Variants in PTPRT observed in about 807,000 individuals in gnomAD.
PTPRT encodes protein tyrosine phosphatase receptor type T.
PTPRT carries 56 observed loss-of-function variants against 176.8 expected under a neutral mutation model. That is an observed-to-expected ratio of 0.32 (90% confidence interval 0.26 to 0.40). The LOEUF is 0.40. Ranked by LOEUF, PTPRT falls within the 10% of genes least tolerant of loss-of-function variation. PTPRT has a pLI of 1.00. For synonymous variants in PTPRT, 783 were observed against 739.0 expected, an observed-to-expected ratio of 1.06 and a Z score of -0.96; for missense variants, 1,540 against 1,908.2, an observed-to-expected ratio of 0.81 and a Z score of 3.60.
chr20:42,351,656 A>T (rs2058286040), intron 10 of PTPRT, among the ~76,000 whole-genome samples: 1 of 151,156 alleles, frequency 6.6e-6, no homozygotes, highest in African/African-American at 2.4e-5. Flanking sequence ...GCAGTCTGTA[A>T]TTTTGGACTA....
At chr20:43,006,241 T>C (rs1164985995) in intron 1 of PTPRT, among the ~76,000 whole-genome samples, 1 of 152,100 alleles carries the variant, frequency 6.6e-6, no homozygotes, top group Non-Finnish European at 1.5e-5. Flanking sequence ...ATAAAAGAGG[T>C]CACTCCTCCC....
At chr20:42,894,239 A>G (rs1049385115) in intron 1 of PTPRT, among the ~76,000 whole-genome samples, 1 of 152,136 alleles carries the variant, frequency 6.6e-6, no homozygotes, top group African/African-American at 2.4e-5. Flanking sequence ...AGAGGACCAG[A>G]ATGACAGCTG....
chr20:42,085,770 C>T lies in PTPRT; in HGVS notation c.3930G>A (p.Glu1310=), dbSNP rs1165436083. 3.1e-6 allele frequency: 5 copies of T among 1,614,074 alleles called. No homozygotes were observed. Among genetic ancestry groups the T allele is most frequent in the East Asian group, 4.5e-5 (2 of 44,868 alleles). Residue 1310 remains glutamate, a synonymous_variant, in exon 28 of 31, where the codon GAG becomes GAA. Coordinates refer to ENST00000373187, the MANE Select transcript of PTPRT (RefSeq NM_007050.6). ...TGCGGAATATTCTGTGGATGATGTCCTCGTCGATGTCTGCGGAGACGAACT... is the reference window on the plus strand; with the variant it reads ...TGCGGAATATTCTGTGGATGATGTCTTCGTCGATGTCTGCGGAGACGAACT... ...QVEFVSADID[E]DIIHRIFRIC... is the part of the protein sequence containing the mutation.
chr20:42,121,573 T>C (rs1987591672), intron 19 of PTPRT, among the ~76,000 whole-genome samples: 1 of 152,076 alleles, frequency 6.6e-6, no homozygotes, highest in Non-Finnish European at 1.5e-5. Flanking sequence ...CTGTCCCTTC[T>C]AGGGTGTGTG....
Position 42,723,561 on chromosome 20 carries a change from A to C in PTPRT, c.859+32901T>G, listed in dbSNP as rs546659331. ...GTGGTCTATCCTCAGGGGCCTGAAAAGGACTTGTAGCTCCCCTTCCCAGAT... is the reference window on the plus strand; with the variant it reads ...GTGGTCTATCCTCAGGGGCCTGAAACGGACTTGTAGCTCCCCTTCCCAGAT... On this transcript the variant is annotated intron_variant, in intron 6 of 30. Transcript: ENST00000373187. Among the ~76,000 whole-genome samples the C allele has an allele frequency of 2.4e-4, 36 of 152,280 alleles. No individual in the cohort carries two copies. The East Asian group carries it at 7.0e-3, about 29-fold the overall frequency.
At chr20:42,264,746 C>T (rs2056810198) in intron 13 of PTPRT, among the ~76,000 whole-genome samples, 1 of 152,222 alleles carries the variant, frequency 6.6e-6, no homozygotes, top group Non-Finnish European at 1.5e-5. Flanking sequence ...GCTGGGGTTG[C>T]TGTGCTGCTG....
intron 7 of PTPRT, among the ~76,000 whole-genome samples, chr20:42,496,837 TG>T (rs1242488058): frequency 2.6e-5 from 4 of 152,140 alleles, no homozygotes; most frequent in Admixed American, 6.6e-5. Context: ...CAGACTTTCA[TG>T]GGCTCTCTTT....
chr20:42,154,772 A>T (rs6030012), intron 17 of PTPRT, among the ~76,000 whole-genome samples: 67 of 151,854 alleles, frequency 4.4e-4, no homozygotes, highest in African/African-American at 1.5e-3. Context: ...GACACAGATA[A>T]CTCGGCTCTC....
intron 1 of PTPRT, among the ~76,000 whole-genome samples, chr20:43,024,117 C>A (rs1460158126): frequency 2.0e-5 from 3 of 152,074 alleles, no homozygotes; most frequent in African/African-American, 7.2e-5. Flanking sequence ...CAAAACAAAC[C>A]CCTGCTCCAC....
intron 11 of PTPRT, among the ~76,000 whole-genome samples, chr20:42,337,556 T>A (rs2058057574): frequency 6.6e-6 from 1 of 152,178 alleles, no homozygotes; most frequent in Non-Finnish European, 1.5e-5. Flanking sequence ...CAGTTAGATG[T>A]GACTTTGAGT....
intron 16 of PTPRT, among the ~76,000 whole-genome samples, chr20:42,176,081 A>T (rs1489830351): frequency 6.6e-6 from 1 of 152,106 alleles, no homozygotes; most frequent in Non-Finnish European, 1.5e-5. Flanking sequence ...CTTATCCTTC[A>T]CCGGACTGTA....
chr20:42,236,969 A>G (rs1380489218), intron 14 of PTPRT, among the ~76,000 whole-genome samples: 1 of 152,094 alleles, frequency 6.6e-6, no homozygotes, highest in Non-Finnish European at 1.5e-5. Flanking sequence ...AGCTCTGTCC[A>G]TAACTCTCTC....
chr20:42,854,678 A>C (rs139330733), intron 2 of PTPRT, among the ~76,000 whole-genome samples: 10 of 152,302 alleles, frequency 6.6e-5, no homozygotes, highest in African/African-American at 1.9e-4. Context: ...TGGGGGAAAA[A>C]ATTCTGAAAT....
In PTPRT at chr20:42,920,216, A is replaced by G. The variant is rs527605737; in HGVS notation, c.89-34284T>C. 1.6e-4 allele frequency among the ~76,000 whole-genome samples: 24 copies of G among 152,340 alleles called. No individual in the cohort carries two copies. In the South Asian group the frequency reaches 4.6e-3, roughly 29 times the overall value. On this transcript the variant is annotated intron_variant, in intron 1 of 30. Transcript: ENST00000373187. ...TGGGAGATCCTTGCCACGGAATATTACCCAGCATGAACTATTAATATACGC... is the reference window on the plus strand; with the variant it reads ...TGGGAGATCCTTGCCACGGAATATTGCCCAGCATGAACTATTAATATACGC...
At chr20:42,922,191 C>A (rs1979191119) in intron 1 of PTPRT, among the ~76,000 whole-genome samples, 1 of 152,158 alleles carries the variant, frequency 6.6e-6, no homozygotes, top group African/African-American at 2.4e-5. Flanking sequence ...ACCTTGGCCT[C>A]CCAAAGTACT....
At position 42,702,230 on chromosome 20, in the gene PTPRT, T is replaced by C. The variant is rs2146165460; in HGVS notation, c.860-24071A>G. The stretch of plus-strand genomic sequence containing the variant: ...TTGTCCTCCACTATTGGTGCTTGTA[T>C]CATGATGGGCCTATTCTGACAGCTA... On this transcript the variant is annotated intron_variant, in intron 6 of 30. Coordinates refer to ENST00000373187, the MANE Select transcript of PTPRT (RefSeq NM_007050.6). Among the ~76,000 whole-genome samples, 4 of 152,288 alleles carry C rather than the reference T, an allele frequency of 2.6e-5. No individual in the cohort carries two copies. In the South Asian group the frequency reaches 8.3e-4, roughly 32 times the overall value.
intron 2 of PTPRT, among the ~76,000 whole-genome samples, chr20:42,796,885 C>T (rs2077462735): frequency 6.6e-6 from 1 of 152,194 alleles, no homozygotes; most frequent in African/African-American, 2.4e-5. Flanking sequence ...AAACAAGTCA[C>T]TTAACTCTTT....
intron 1 of PTPRT, among the ~76,000 whole-genome samples, chr20:43,081,222 A>C (rs1467604148): frequency 6.6e-6 from 1 of 152,156 alleles, no homozygotes; most frequent in African/African-American, 2.4e-5. Flanking sequence ...GGGATTATCT[A>C]CTTATATAAA....
chr20:42,581,014 T>C (rs2073361443), intron 7 of PTPRT, among the ~76,000 whole-genome samples: 1 of 152,130 alleles, frequency 6.6e-6, no homozygotes, highest in Non-Finnish European at 1.5e-5. Flanking sequence ...CCAGGTACAT[T>C]CCTGACTTAC....
Sources: allele counts gnomAD v4.1 joint callset (sites outside exome capture counted in the v4.1 genomes callset), GRCh38; gene constraint gnomAD v4.1.1; transcripts MANE v1.5; gene names NCBI Gene and HGNC (gene_info 2026-07-23, HGNC 2026-07-21).